CLMP: variants seen among roughly 807,000 people sequenced by gnomAD.
CLMP encodes CXADR-like membrane protein.
Under a neutral mutation model 45.2 loss-of-function variants are expected in CLMP, and 27 were observed. The observed-to-expected ratio is 0.60, with a 90% CI of 0.44 to 0.82. The LOEUF (loss-of-function observed/expected upper bound fraction) is 0.82. CLMP is among the 40% of genes least tolerant of loss of function. CLMP has a pLI of 0.00. For missense variants in CLMP, 403 were observed against 448.4 expected (o/e 0.90, Z 0.91); for synonymous variants, 167 against 171.4 (o/e 0.97, Z 0.20).
chr11:123,081,369 A>G (rs994271108), intron 5 of CLMP, among the ~76,000 whole-genome samples: 3 of 152,224 alleles, frequency 2.0e-5, no homozygotes, highest in Non-Finnish European at 1.5e-5. Flanking sequence ...TCTCTAGATT[A>G]TAAGCCTGGC....
At chr11:123,075,318 C>T (rs1366281190) in intron 5 of CLMP, among the ~76,000 whole-genome samples, 3 of 151,806 alleles carry the variant, frequency 2.0e-5, no homozygotes, top group Non-Finnish European at 4.4e-5. Context: ...ATGACCAACC[C>T]TCTTGATATA....
intron 1 of CLMP, among the ~76,000 whole-genome samples, chr11:123,144,099 CCA>C (rs1430210183): frequency 3.3e-5 from 5 of 152,164 alleles, no homozygotes; most frequent in African/African-American, 1.2e-4. Flanking sequence ...CAGGCAAGAG[CCA>C]CTGCACCTGA....
chr11:123,101,669 C>T (rs1352835361), intron 1 of CLMP, among the ~76,000 whole-genome samples: 4 of 152,194 alleles, frequency 2.6e-5, no homozygotes, highest in Non-Finnish European at 5.9e-5. Flanking sequence ...GCTAAACTAA[C>T]CCTCCCTGGA....
rs984264944 is a variant in CLMP at position 123,172,283 on chromosome 11, T to C, written c.28+22630A>G. 3.3e-5 allele frequency among the ~76,000 whole-genome samples: 5 copies of C among 152,188 alleles called. No homozygotes were observed. The East Asian group carries it at 9.7e-4, about 29-fold the overall frequency. ...CCCACCACCACGCCTGGCTAATTTTTTGTGTTTTTAGTAGAGACGGTGTTT... is the reference window on the plus strand; with the variant it reads ...CCCACCACCACGCCTGGCTAATTTTCTGTGTTTTTAGTAGAGACGGTGTTT... On this transcript the variant is annotated intron_variant, in intron 1 of 6. Transcript: ENST00000448775.
intron 1 of CLMP, among the ~76,000 whole-genome samples, chr11:123,121,916 G>A (rs1860824001): frequency 6.6e-6 from 1 of 151,976 alleles, no homozygotes; most frequent in South Asian, 2.1e-4. Flanking sequence ...GCTAATTTTT[G>A]TATTTTTTGT....
intron 1 of CLMP, among the ~76,000 whole-genome samples, chr11:123,126,103 T>C (rs563827646): frequency 6.6e-6 from 1 of 152,358 alleles, no homozygotes; most frequent in African/African-American, 2.4e-5. Flanking sequence ...CTGAATATAT[T>C]GCTTCGCCTG....
chr11:123,141,417 C>T (rs575891601), intron 1 of CLMP, among the ~76,000 whole-genome samples: 35 of 151,998 alleles, frequency 2.3e-4, no homozygotes, highest in Non-Finnish European at 3.1e-4. Flanking sequence ...ATCTCCTGAC[C>T]TCGTGATCCA....
chr11:123,086,221 T>C (rs1467096794), intron 2 of CLMP, among the ~76,000 whole-genome samples: 2 of 152,238 alleles, frequency 1.3e-5, no homozygotes, highest in East Asian at 1.9e-4. Flanking sequence ...AAATCTCTTC[T>C]TTGGTTCAAG....
intron 1 of CLMP, among the ~76,000 whole-genome samples, chr11:123,154,628 G>A (rs1029772022): frequency 6.6e-6 from 1 of 152,192 alleles, no homozygotes; most frequent in African/African-American, 2.4e-5. Context: ...AGGACTAGGG[G>A]ATGATCACTG....
At position 123,089,776 on chromosome 11, in the gene CLMP, CAA is replaced by C. The variant is rs556690828; in HGVS notation, c.187-5065_187-5064del. Among the ~76,000 whole-genome samples, 59 of 79,332 alleles carry C rather than the reference CAA, an allele frequency of 7.4e-4. 1 individual carries two copies. Among genetic ancestry groups the C allele is most frequent in the East Asian group, 2.1e-3 (4 of 1,940 alleles). 52.0% of individuals were successfully genotyped at this position (79,332 alleles called of 152,430 possible). A position where few individuals can be genotyped will look rare whatever the true frequency, so the allele number is the denominator to read the frequency against. ...TGGGCGACAGAGCGAGTCTCCATCT[CAA>C]AAAAAAAAAAAAAAAGAAAAAGAAA... is the stretch of plus-strand genomic sequence containing the variant. On this transcript the variant is annotated intron_variant, in intron 2 of 6. Transcript: ENST00000448775.
At chr11:123,137,147 CTTTTTTTT>C (rs375816483) in intron 1 of CLMP, among the ~76,000 whole-genome samples, 4 of 82,458 alleles carry the variant, frequency 4.9e-5, no homozygotes, top group East Asian at 3.6e-4. Flanking sequence ...TTTTCTTTTT[CTTTTTTTT>C]TTTTTTTTTT....
At chr11:123,124,808 T>C (rs1486864447) in intron 1 of CLMP, among the ~76,000 whole-genome samples, 4 of 152,328 alleles carry the variant, frequency 2.6e-5, no homozygotes, top group Admixed American at 2.6e-4. Flanking sequence ...ATGTAATCAA[T>C]ATTTTCTTGG....
chr11:123,121,240 G>A lies in CLMP; in HGVS notation c.29-23288C>T, dbSNP rs553878101. 9.5e-4 allele frequency among the ~76,000 whole-genome samples: 144 copies of A among 152,128 alleles called. 1 individual carries two copies. In the East Asian group the frequency reaches 0.015, roughly 16 times the overall value. ...GGATTCCCAACGTCAGTGTCTGTAG[G>A]CCTTTTTTCTGAAGCTGTTGAATTA... On this transcript the variant is annotated intron_variant, in intron 1 of 6. Transcript: ENST00000448775.
At chr11:123,076,578 A>G (rs1865742965) in intron 5 of CLMP, among the ~76,000 whole-genome samples, 1 of 152,170 alleles carries the variant, frequency 6.6e-6, no homozygotes, top group African/African-American at 2.4e-5. Context: ...CATATATGAT[A>G]TAAAGGACGA....
intron 5 of CLMP, among the ~76,000 whole-genome samples, chr11:123,076,390 TGTTGA>T (rs929031000): frequency 1.3e-4 from 20 of 152,340 alleles, no homozygotes; most frequent in Admixed American, 8.5e-4. Context: ...TTTCTGCTTT[TGTTGA>T]GTTTTCATTC....
intron 1 of CLMP, among the ~76,000 whole-genome samples, chr11:123,186,798 C>T (rs1251562884): frequency 6.6e-6 from 1 of 152,176 alleles, no homozygotes; most frequent in African/African-American, 2.4e-5. Flanking sequence ...GCTAGGATTA[C>T]AGGCATGAGC....
At chr11:123,188,464 C>G (rs1861862609) in intron 1 of CLMP, among the ~76,000 whole-genome samples, 1 of 151,188 alleles carries the variant, frequency 6.6e-6, no homozygotes, top group Middle Eastern at 3.4e-3. Flanking sequence ...CTTCCTCCTC[C>G]TCCTCCTCTC....
rs186124794 is a variant in CLMP at position 123,099,488 on chromosome 11, T to A, written c.29-1536A>T. 8.4e-4 allele frequency among the ~76,000 whole-genome samples: 128 copies of A among 152,314 alleles called. 1 individual carries two copies. The highest frequency in any genetic ancestry group is 2.9e-3 in the African/African-American group (121 of 41,556). On this transcript the variant is annotated intron_variant, in intron 1 of 6. Coordinates refer to ENST00000448775, the MANE Select transcript of CLMP (RefSeq NM_024769.5). ...AAATCCTTCCAGGGTTTTGTAAATA[T>A]TAGAAACAGAGTATGTAAATCATCT...
At chr11:123,100,550 G>GTCCAACAGGCATCCC (rs1304686277) in intron 1 of CLMP, among the ~76,000 whole-genome samples, 1 of 143,454 alleles carries the variant, frequency 7.0e-6, no homozygotes, top group African/African-American at 2.7e-5. Context: ...GCAGGCATCT[G>GTCCAACAGGCATCCC]TCCAACAGGC....
Sources: gnomAD v4.1 joint callset for allele counts (sites outside exome capture counted in the v4.1 genomes callset) on GRCh38, gnomAD v4.1.1 for gene constraint, MANE v1.5 for transcripts, NCBI Gene and HGNC (gene_info 2026-07-23, HGNC 2026-07-21) for gene names.